ELAVL2: variants seen among roughly 807,000 people sequenced by gnomAD.
ELAVL2 encodes the protein ELAV like RNA binding protein 2.
In ELAVL2, 4 loss-of-function variants were observed where a neutral mutation model predicts 34.6. The observed-to-expected ratio is 0.12, with a 90% CI of 0.06 to 0.26. The LOEUF is 0.26. Ranked by LOEUF, ELAVL2 falls within the 10% of genes least tolerant of loss-of-function variation. The pLI, the probability that ELAVL2 is intolerant of heterozygous loss-of-function variation, is 1.00. For synonymous variants in ELAVL2, 193 were observed against 154.8 expected (o/e 1.25, Z -1.83); for missense variants, 432 against 442.8 (o/e 0.98, Z 0.22).
At position 23,770,762 on chromosome 9, in the gene ELAVL2, G is replaced by A. The variant is rs149687218; in HGVS notation, c.-15-8513C>T. On this transcript the variant is annotated intron_variant, in intron 1 of 6. Transcript: ENST00000397312. Reference sequence around the variant, plus strand: ...CCACTTTGGACTTCTGATGTTCTTCGGAATTTTAAGACAATAAATCTTGTA... The same window carrying A: ...CCACTTTGGACTTCTGATGTTCTTCAGAATTTTAAGACAATAAATCTTGTA... Among the ~76,000 whole-genome samples the A allele has an allele frequency of 7.2e-5, 11 of 152,124 alleles. No homozygotes were observed. The East Asian group carries it at 9.7e-4, about 13-fold the overall frequency.
chr9:23,699,166 T>G (rs985757555), intron 5 of ELAVL2, among the ~76,000 whole-genome samples: 1 of 152,106 alleles, frequency 6.6e-6, no homozygotes, highest in African/African-American at 2.4e-5. Context: ...AATTTGACCA[T>G]AAGAACATCC....
At chr9:23,803,597 G>T (rs1295078763) in intron 1 of ELAVL2, among the ~76,000 whole-genome samples, 1 of 152,114 alleles carries the variant, frequency 6.6e-6, no homozygotes, top group Non-Finnish European at 1.5e-5. Flanking sequence ...TTGTCCCAAG[G>T]CTGGCTCTCT....
At chr9:23,789,223 C>A (rs2060058162) in intron 1 of ELAVL2, among the ~76,000 whole-genome samples, 1 of 152,144 alleles carries the variant, frequency 6.6e-6, no homozygotes, top group Admixed American at 6.5e-5. Flanking sequence ...TACAGAGGGT[C>A]AGTGACCCTC....
At chr9:23,828,669 G>C (rs1375370511), upstream of ELAVL2, among the ~76,000 whole-genome samples, 1 of 151,960 alleles carries the variant, frequency 6.6e-6, no homozygotes, top group Non-Finnish European at 1.5e-5. Context: ...TCAAAGTATT[G>C]TCATCCCTAA....
At chr9:23,738,566 C>A (rs1356865475) in intron 2 of ELAVL2, among the ~76,000 whole-genome samples, 1 of 152,104 alleles carries the variant, frequency 6.6e-6, no homozygotes, top group Non-Finnish European at 1.5e-5. Flanking sequence ...AGAATTCAAC[C>A]TAGACACTCA....
chr9:23,834,766 C>A, the ELAVL2 span, among the ~76,000 whole-genome samples: 1 of 152,046 alleles, frequency 6.6e-6, no homozygotes, highest in African/African-American at 2.4e-5. Context: ...GGCATAAAAT[C>A]ATCTATCTGC....
intron 2 of ELAVL2, among the ~76,000 whole-genome samples, chr9:23,733,901 G>A (rs1268489160): frequency 1.3e-5 from 2 of 152,044 alleles, no homozygotes; most frequent in Admixed American, 6.6e-5. Flanking sequence ...AAGCAATCAT[G>A]ACTAGCTATA....
chr9:23,700,210 T>G (rs541798607), intron 5 of ELAVL2, among the ~76,000 whole-genome samples: 1 of 152,322 alleles, frequency 6.6e-6, no homozygotes, highest in East Asian at 1.9e-4. Context: ...TGATATGCAC[T>G]TGGAAATAAT....
chr9:23,780,945 C>T (rs185387609), intron 1 of ELAVL2, among the ~76,000 whole-genome samples: 139 of 152,280 alleles, frequency 9.1e-4, no homozygotes, highest in Non-Finnish European at 1.4e-3. Flanking sequence ...GGCTAACAAA[C>T]TAACAGGGAT....
rs1292504250 is a variant in ELAVL2 at position 23,782,898 on chromosome 9, A to G, written c.-15-20649T>C. On this transcript the variant is annotated intron_variant, in intron 1 of 6. Coordinates refer to ENST00000397312, the MANE Select transcript of ELAVL2 (RefSeq NM_004432.5). The stretch of plus-strand genomic sequence containing the variant: ...ACAAGAAGTGAGCTGAAGTGAAACC[A>G]GGAAGGAAGACAAATTTCTTTGATA... 2.0e-5 allele frequency among the ~76,000 whole-genome samples: 3 copies of G among 152,194 alleles called. No individual in the cohort carries two copies. The East Asian group carries it at 5.8e-4, about 29-fold the overall frequency.
chr9:23,715,297 C>T (rs571974666), intron 3 of ELAVL2, among the ~76,000 whole-genome samples: 34 of 152,116 alleles, frequency 2.2e-4, no homozygotes, highest in Non-Finnish European at 4.4e-4. Flanking sequence ...CACAGGCGCC[C>T]GCCACCACGC....
chr9:23,732,290 T>TTA (rs2046767339), intron 2 of ELAVL2, among the ~76,000 whole-genome samples: 2 of 152,330 alleles, frequency 1.3e-5, no homozygotes, highest in African/African-American at 4.8e-5. Flanking sequence ...TGGATACTTG[T>TTA]TACCACATAA....
chr9:23,789,865 T>C (rs2060127601), intron 1 of ELAVL2, among the ~76,000 whole-genome samples: 1 of 152,178 alleles, frequency 6.6e-6, no homozygotes, highest in Non-Finnish European at 1.5e-5. Flanking sequence ...TGAGAAAACA[T>C]ATTTGAAGTT....
At chr9:23,803,782 A>G (rs1795591006) in intron 1 of ELAVL2, among the ~76,000 whole-genome samples, 1 of 152,176 alleles carries the variant, frequency 6.6e-6, no homozygotes. Context: ...TGTATAAAAG[A>G]GCTTCACAAG....
At chr9:23,750,139 T>C (rs2051551663) in intron 2 of ELAVL2, among the ~76,000 whole-genome samples, 1 of 152,120 alleles carries the variant, frequency 6.6e-6, no homozygotes, top group Non-Finnish European at 1.5e-5. Context: ...TATATTGTTT[T>C]CTATAAGCAT....
chr9:23,834,126 C>G, the ELAVL2 span, among the ~76,000 whole-genome samples: 2 of 151,768 alleles, frequency 1.3e-5, no homozygotes, highest in South Asian at 4.1e-4. Flanking sequence ...TTATATTTTA[C>G]GAAATGATAG....
At chr9:23,743,983 T>C (rs1324457522) in intron 2 of ELAVL2, among the ~76,000 whole-genome samples, 2 of 152,184 alleles carry the variant, frequency 1.3e-5, no homozygotes, top group African/African-American at 4.8e-5. Flanking sequence ...CCACATTACA[T>C]GCCCACTTGG....
intron 1 of ELAVL2, among the ~76,000 whole-genome samples, chr9:23,809,045 T>C (rs921072995): frequency 6.6e-5 from 10 of 152,332 alleles, no homozygotes; most frequent in Admixed American, 2.0e-4. Flanking sequence ...AATGTGATGA[T>C]GAGTAAAATG....
intron 1 of ELAVL2, among the ~76,000 whole-genome samples, chr9:23,797,874 G>C (rs182891708): frequency 2.6e-5 from 4 of 152,244 alleles, no homozygotes; most frequent in Admixed American, 2.0e-4. Context: ...GTTGCGGTAA[G>C]CTGAAATCAC....
Sources: allele counts gnomAD v4.1 joint callset (sites outside exome capture counted in the v4.1 genomes callset), GRCh38; gene constraint gnomAD v4.1.1; transcripts MANE v1.5; gene names NCBI Gene and HGNC (gene_info 2026-07-23, HGNC 2026-07-21).